PSMC5: variants seen among roughly 807,000 people sequenced by gnomAD.
PSMC5 encodes the protein 26S proteasome regulatory subunit 8.
A neutral mutation model predicts 49.1 loss-of-function variants in PSMC5; 11 were observed. The ratio of observed to expected loss-of-function variants is 0.22; its 90% CI spans 0.14 to 0.37. The LOEUF is 0.37. Ranked by LOEUF, PSMC5 falls within the 10% of genes least tolerant of loss-of-function variation. The pLI, the probability that PSMC5 is intolerant of heterozygous loss-of-function variation, is 1.00. For missense variants in PSMC5, 229 were observed against 520.9 expected (o/e 0.44, Z 5.45); for synonymous variants, 206 against 192.2 (o/e 1.07, Z -0.59).
chr17:63,829,609 G>T, intron 3 of PSMC5, 46 bp downstream of exon 3: 1 of 1,531,216 alleles, frequency 6.5e-7, no homozygotes, highest in Non-Finnish European at 8.9e-7. Flanking sequence ...GTTTGTCTGA[G>T]GTCTGTCCTT....
chr17:63,827,814 TG>T lies in PSMC5; in HGVS notation c.24+302del, dbSNP rs982820850. 2.8e-5 allele frequency: 40 copies of T among 1,428,264 alleles called. No individual in the cohort carries two copies. In the Middle Eastern group the frequency reaches 1.3e-3, roughly 46 times the overall value. The allele number at this position is 1,428,264 out of a possible 1,614,324, so 88.5% of individuals were successfully genotyped here. A position where few individuals can be genotyped will look rare whatever the true frequency, so the allele number is the denominator to read the frequency against. On this transcript the variant is annotated intron_variant, in intron 1 of 11. Transcript: ENST00000310144. The stretch of plus-strand genomic sequence containing the variant: ...CGCCAGTCCTTTGGCTCCGTTCCGC[TG>T]GCTCCTTCGTCAGTACTGACACCTC...
chr17:63,831,441 T>A lies in PSMC5; in HGVS notation c.969+16T>A, dbSNP rs746554205. 6.2e-7 allele frequency: 1 copy of A among 1,613,344 alleles called. No individual in the cohort carries two copies. The highest frequency in any genetic ancestry group is 1.1e-5 in the South Asian group (1 of 91,066). ...CAATGAGGAGGTTTGTGATGGACAC[T>A]GTGCAAAGTGGCTCTGGCTGTGGGG... On this transcript the variant is annotated intron_variant, in intron 9 of 11. Transcript: ENST00000310144. The surrounding 1 kb of genome is among the most constrained non-coding windows in gnomAD (Gnocchi z 6.3).
At chr17:63,828,439 C>T (rs1175040226) in intron 2 of PSMC5, 4 of 421,306 alleles carry the variant, frequency 9.5e-6, no homozygotes, top group African/African-American at 2.0e-5. Flanking sequence ...TACACATCTT[C>T]GAGTCAAATC....
At chr17:63,827,659 G>C in intron 1 of PSMC5, 145 bp downstream of exon 1, 1 of 1,494,078 alleles carries the variant, frequency 6.7e-7, no homozygotes, top group Non-Finnish European at 8.9e-7. Context: ...CCTGCGACCG[G>C]ATCTGCTGTG....
In PSMC5 at chr17:63,830,655, G is replaced by C. The variant is rs1249462849; in HGVS notation, c.552+154G>C. 3.5e-5 allele frequency: 51 copies of C among 1,453,828 alleles called. No homozygotes were observed. In the East Asian group the frequency reaches 1.2e-3, roughly 34 times the overall value. The allele number at this position is 1,453,828 out of a possible 1,614,324, so 90.1% of individuals were successfully genotyped here. ...AAGAGTGGCTGGGGAAGTGTTCCTA[G>C]GGCGGTGAGGTGGTTTGGATAGAAG... On this transcript the variant is annotated intron_variant, in intron 6 of 11. Coordinates refer to ENST00000310144, the MANE Select transcript of PSMC5 (RefSeq NM_002805.6). This position sits in a 1 kb window ranked among gnomAD's most constrained non-coding sequence, Gnocchi z 4.0.
intron 3 of PSMC5, 119 bp from the exon 4 acceptor site, chr17:63,829,733 T>A: frequency 7.8e-7 from 1 of 1,279,524 alleles, no homozygotes; most frequent in Non-Finnish European, 1.1e-6. Context: ...CTTAAATACA[T>A]GAATTTTGAC....
In PSMC5 at chr17:63,831,893, T is replaced by C; in HGVS notation, c.1168-23T>C. The stretch of plus-strand genomic sequence containing the variant: ...GCATGTGTGTGTTCGTAACTTAATG[T>C]TCATTCTCTCTCCCACCCCTAGGTC... On this transcript the variant is annotated intron_variant, in intron 11 of 11. Coordinates refer to ENST00000310144, the MANE Select transcript of PSMC5 (RefSeq NM_002805.6). The surrounding 1 kb of genome is among the most constrained non-coding windows in gnomAD (Gnocchi z 6.3). 6.2e-7 allele frequency: 1 copy of C among 1,613,626 alleles called. No individual in the cohort carries two copies. Among genetic ancestry groups the C allele is most frequent in the Non-Finnish European group, 8.5e-7 (1 of 1,179,562 alleles).
Position 63,831,710 on chromosome 17 carries a change from C to T in PSMC5, c.1081-14C>T, listed in dbSNP as rs2040190828. The stretch of plus-strand genomic sequence containing the variant: ...GGCACAGCAGTGGGGCCTCAATTTC[C>T]TTTTCCTGTTCAGGGCGTGTGCACA... On this transcript the variant is annotated splice_polypyrimidine_tract_variant and intron_variant, in intron 10 of 11. Coordinates refer to ENST00000310144, the MANE Select transcript of PSMC5 (RefSeq NM_002805.6). This position sits in a 1 kb window ranked among gnomAD's most constrained non-coding sequence, Gnocchi z 6.3. 2 of 1,614,022 alleles carry T rather than the reference C, an allele frequency of 1.2e-6. No homozygotes were observed. Among genetic ancestry groups the T allele is most frequent in the African/African-American group, 2.7e-5 (2 of 74,908 alleles).
chr17:63,831,434 T>TG lies in PSMC5; in HGVS notation c.969+11dup. 2 of 1,613,678 alleles carry TG rather than the reference T, an allele frequency of 1.2e-6. No individual in the cohort carries two copies. Among genetic ancestry groups the TG allele is most frequent in the Admixed American group, 1.7e-5 (1 of 60,032 alleles). The stretch of plus-strand genomic sequence containing the variant: ...CACCCCCCAATGAGGAGGTTTGTGA[T>TG]GGACACTGTGCAAAGTGGCTCTGGC... On this transcript the variant is annotated intron_variant, in intron 9 of 11. Transcript: ENST00000310144. This position sits in a 1 kb window ranked among gnomAD's most constrained non-coding sequence, Gnocchi z 6.3.
In PSMC5 at chr17:63,831,670, G is replaced by T; in HGVS notation, c.1080+54G>T. 1 of 1,613,154 alleles carries T rather than the reference G, an allele frequency of 6.2e-7. No homozygotes were observed. The highest frequency in any genetic ancestry group is 2.2e-5 in the East Asian group (1 of 44,870). ...CAGAGGCAGGAAGCTCTGGGCTCAAGGGCCACAGATGAGGGGCACAGCAGT... is the reference window on the plus strand; with the variant it reads ...CAGAGGCAGGAAGCTCTGGGCTCAATGGCCACAGATGAGGGGCACAGCAGT... On this transcript the variant is annotated intron_variant, in intron 10 of 11. Coordinates refer to ENST00000310144, the MANE Select transcript of PSMC5 (RefSeq NM_002805.6). This position sits in a 1 kb window ranked among gnomAD's most constrained non-coding sequence, Gnocchi z 6.3.
At position 63,829,664 on chromosome 17, in the gene PSMC5, C is replaced by T; in HGVS notation, c.166+101C>T. On this transcript the variant is annotated intron_variant, in intron 3 of 11. Coordinates refer to ENST00000310144, the MANE Select transcript of PSMC5 (RefSeq NM_002805.6). The stretch of plus-strand genomic sequence containing the variant: ...TCACAGCAGTGCTTACTGTTTTCTC[C>T]CTGTCATCATCTAGTAGTTTCACAT... 7 of 1,308,130 alleles carry T rather than the reference C, an allele frequency of 5.4e-6. No individual in the cohort carries two copies. The South Asian group carries it at 9.0e-5, about 17-fold the overall frequency. The allele number at this position is 1,308,130 out of a possible 1,614,324, so 81.0% of individuals were successfully genotyped here. A position where few individuals can be genotyped will look rare whatever the true frequency, so the allele number is the denominator to read the frequency against.
At position 63,829,452 on chromosome 17, in the gene PSMC5, T is replaced by G. The variant is rs1321480008; in HGVS notation, c.97-42T>G. The G allele has an allele frequency of 3.2e-6, 5 of 1,540,158 alleles. No individual in the cohort carries two copies. In the Admixed American group the frequency reaches 9.8e-5, roughly 30 times the overall value. On this transcript the variant is annotated intron_variant, in intron 2 of 11. Transcript: ENST00000310144. The stretch of plus-strand genomic sequence containing the variant: ...GGCCAAGATCCTACCTCCTCCTGTC[T>G]CCTGCCCTTGAATAATGGAATTTGT...
Position 63,830,771 on chromosome 17 carries a change from T to G in PSMC5, c.553-38T>G. The G allele has an allele frequency of 6.2e-7, 1 of 1,609,434 alleles. No individual in the cohort carries two copies. Among genetic ancestry groups the G allele is most frequent in the Non-Finnish European group, 8.5e-7 (1 of 1,177,852 alleles). On this transcript the variant is annotated intron_variant, in intron 6 of 11. Coordinates refer to ENST00000310144, the MANE Select transcript of PSMC5 (RefSeq NM_002805.6). This position sits in a 1 kb window ranked among gnomAD's most constrained non-coding sequence, Gnocchi z 4.0. Reference sequence around the variant, plus strand: ...AATGTTCACTGAATGAAATGAGGGGTGTAGCTTTCTGCCCTGAGTCCTGCT... The same window carrying G: ...AATGTTCACTGAATGAAATGAGGGGGGTAGCTTTCTGCCCTGAGTCCTGCT...
In PSMC5 at chr17:63,828,204, C is replaced by A; in HGVS notation, c.91C>A (p.Leu31Ile). The A allele has an allele frequency of 6.2e-7, 1 of 1,613,784 alleles. No homozygotes were observed. Among genetic ancestry groups the A allele is most frequent in the Non-Finnish European group, 8.5e-7 (1 of 1,179,832 alleles). The stretch of plus-strand genomic sequence containing the variant: ...ATATTATCTGTCCAAGATTGAAGAA[C>A]TCCAGGTGAGGACGGACTCCAGAGG... ...RQYYLSKIEE[L>I]QLIVNDKSQN... Residue 31 changes from leucine to isoleucine, a missense_variant, in exon 2 of 12, where the codon CTC (leucine) becomes ATC (isoleucine). Transcript: ENST00000310144.
At chr17:63,829,457 C>CCCT in intron 2 of PSMC5, 37 bp from the exon 3 acceptor site, 1 of 1,542,762 alleles carries the variant, frequency 6.5e-7, no homozygotes, top group South Asian at 1.2e-5. Flanking sequence ...CTGTCTCCTG[C>CCCT]CCTTGAATAA....
chr17:63,831,771 C>T lies in PSMC5; in HGVS notation c.1128C>T (p.Val376=). 2 of 1,614,152 alleles carry T rather than the reference C, an allele frequency of 1.2e-6. No individual in the cohort carries two copies. The highest frequency in any genetic ancestry group is 1.7e-6 in the Non-Finnish European group (2 of 1,180,034). Residue 376 remains valine, a synonymous_variant, in exon 11 of 12, where the codon GTC becomes GTT. Transcript: ENST00000310144. The surrounding 1 kb of genome is among the most constrained non-coding windows in gnomAD (Gnocchi z 6.3). ...AGMYALRERR[V]HVTQEDFEMA... is the part of the protein sequence containing the mutation. ...TGTATGCCCTGCGAGAACGGCGAGT[C>T]CATGTCACTCAGGAGGACTTTGAGA... is the stretch of plus-strand genomic sequence containing the variant.
intron 1 of PSMC5, 102 bp from the exon 2 acceptor site, chr17:63,828,036 C>G: frequency 7.0e-7 from 1 of 1,428,118 alleles, no homozygotes; most frequent in Non-Finnish European, 9.7e-7. Flanking sequence ...TTTTCTACTA[C>G]GCAAAGCTAC....
intron 3 of PSMC5, 55 bp downstream of exon 3, chr17:63,829,618 T>C (rs2040157375): frequency 2.0e-6 from 3 of 1,504,616 alleles, no homozygotes; most frequent in Non-Finnish European, 2.7e-6. Context: ...AGGTCTGTCC[T>C]TATCTCCCTG....
chr17:63,827,535 G>T, intron 1 of PSMC5, 21 bp downstream of exon 1: 1 of 1,551,644 alleles, frequency 6.4e-7, no homozygotes, highest in Admixed American at 2.0e-5. Flanking sequence ...TGCAGTGGCG[G>T]CCCGGCAGGT....
Sources: allele counts gnomAD v4.1 joint callset, GRCh38; gene constraint gnomAD v4.1.1; non-coding constraint Gnocchi (gnomAD v3.1); transcripts MANE v1.5; gene names NCBI Gene and HGNC (gene_info 2026-07-23, HGNC 2026-07-21).